Variants in GNAO1 observed in about 807,000 individuals in gnomAD.
GNAO1 encodes guanine nucleotide-binding protein G(o) subunit alpha.
For synonymous variants in GNAO1, 164 were observed against 180.7 expected, an observed-to-expected ratio of 0.91 and a Z score of 0.74; for missense variants, 166 against 478.7, an observed-to-expected ratio of 0.35 and a Z score of 6.10.
intron 2 of GNAO1, among the ~76,000 whole-genome samples, chr16:56,212,402 G>T (rs10521335): frequency 0.14 from 21,307 of 152,144 alleles, 2,000 homozygotes; most frequent in African/African-American, 0.26. Flanking sequence ...AGTGAACTCT[G>T]CTTCGATAAG....
chr16:56,319,477 C>G (rs2037550136), intron 3 of GNAO1, among the ~76,000 whole-genome samples: 1 of 152,246 alleles, frequency 6.6e-6, no homozygotes, highest in East Asian at 1.9e-4. Flanking sequence ...GAGCCTACGC[C>G]CCTCCTTGGA....
intron 6 of GNAO1, among the ~76,000 whole-genome samples, chr16:56,338,606 G>A (rs1441494073): frequency 6.6e-6 from 1 of 152,384 alleles, no homozygotes; most frequent in South Asian, 2.1e-4. Context: ...CAGGAAGCCA[G>A]GAGGGCCCTT....
At chr16:56,213,064 C>CGGAG (rs2036405666) in intron 2 of GNAO1, among the ~76,000 whole-genome samples, 2 of 152,208 alleles carry the variant, frequency 1.3e-5, no homozygotes, top group African/African-American at 4.8e-5. Context: ...TGGCAGAACT[C>CGGAG]GGAGTCTCAC....
At chr16:56,335,955 G>A (rs1388150259) in intron 5 of GNAO1, among the ~76,000 whole-genome samples, 1 of 152,176 alleles carries the variant, frequency 6.6e-6, no homozygotes, top group Admixed American at 6.5e-5. Flanking sequence ...TGTGTCCGGT[G>A]GGACCAGAGA....
intron 3 of GNAO1, among the ~76,000 whole-genome samples, chr16:56,324,302 A>G (rs1183650736): frequency 6.6e-6 from 1 of 152,138 alleles, no homozygotes; most frequent in East Asian, 1.9e-4. Context: ...GGGCCCCCAC[A>G]TTAGCGTGTG....
chr16:56,347,397 G>A (rs1022651235), intron 6 of GNAO1: 51 of 985,490 alleles, frequency 5.2e-5, no homozygotes, highest in Admixed American at 3.7e-4. Context: ...GAACAGGGCC[G>A]GCGTGTGAGC....
chr16:56,234,297 G>C (rs987096176), intron 2 of GNAO1, among the ~76,000 whole-genome samples: 1 of 152,258 alleles, frequency 6.6e-6, no homozygotes, highest in Non-Finnish European at 1.5e-5. Flanking sequence ...GCAAACACTT[G>C]TGCAGCCAGC....
At chr16:56,316,808 G>C (rs573883642) in intron 3 of GNAO1, among the ~76,000 whole-genome samples, 27 of 152,340 alleles carry the variant, frequency 1.8e-4, no homozygotes, top group Non-Finnish European at 3.2e-4. Context: ...GCTTCACACA[G>C]AGACGTCCTC....
rs918259705 is a variant in GNAO1, at chr16:56,326,657, G to A, written c.304-1974G>A. ...GCTTGTCTCAGAATTGCCTCCCTGGGAGGGCAAGGAAGCCGGGTTATTTGC... is the reference window on the plus strand; with the variant it reads ...GCTTGTCTCAGAATTGCCTCCCTGGAAGGGCAAGGAAGCCGGGTTATTTGC... On this transcript the variant is annotated intron_variant, in intron 3 of 8. Transcript: ENST00000262493. The surrounding 1 kb of genome is among the most constrained non-coding windows in gnomAD (Gnocchi z 4.8). 6.6e-6 allele frequency among the ~76,000 whole-genome samples: 1 copy of A among 152,216 alleles called. No homozygotes were observed. The highest frequency in any genetic ancestry group is 1.5e-5 in the Non-Finnish European group (1 of 68,034).
At chr16:56,267,722 C>G (rs1321229709) in intron 2 of GNAO1, among the ~76,000 whole-genome samples, 1 of 152,210 alleles carries the variant, frequency 6.6e-6, no homozygotes, top group Non-Finnish European at 1.5e-5. Context: ...TTACTTCTTT[C>G]ATATTGTTCT....
intron 3 of GNAO1, among the ~76,000 whole-genome samples, chr16:56,313,956 A>G (rs2037484093): frequency 6.8e-6 from 1 of 147,460 alleles, no homozygotes; most frequent in South Asian, 2.1e-4. Flanking sequence ...GTGCTGGTCA[A>G]TGACCCTTTC....
chr16:56,268,935 C>T (rs964752072), intron 2 of GNAO1, among the ~76,000 whole-genome samples: 1 of 152,162 alleles, frequency 6.6e-6, no homozygotes, highest in Non-Finnish European at 1.5e-5. Context: ...CATATGAGGC[C>T]AGGCAGGTCT....
At chr16:56,261,833 G>T (rs1326420651) in intron 2 of GNAO1, among the ~76,000 whole-genome samples, 13 of 152,156 alleles carry the variant, frequency 8.5e-5, no homozygotes, top group Non-Finnish European at 1.3e-4. Context: ...CTGTGTGACC[G>T]TCCGATGCCC....
At chr16:56,283,283 A>G (rs1383832171) in intron 3 of GNAO1, among the ~76,000 whole-genome samples, 1 of 152,162 alleles carries the variant, frequency 6.6e-6, no homozygotes, top group Non-Finnish European at 1.5e-5. Context: ...CGACCCTAAC[A>G]GGGGGCTCCC....
chr16:56,219,564 C>T (rs1205428922), intron 2 of GNAO1, among the ~76,000 whole-genome samples: 1 of 152,108 alleles, frequency 6.6e-6, no homozygotes, highest in African/African-American at 2.4e-5. Context: ...GAAATGTATC[C>T]TTCACCTACC....
intron 2 of GNAO1, among the ~76,000 whole-genome samples, chr16:56,228,957 A>C (rs914193118): frequency 1.3e-5 from 2 of 152,236 alleles, no homozygotes; most frequent in Non-Finnish European, 2.9e-5. Flanking sequence ...TGTATGCTCC[A>C]TGAGAGCAAG....
rs530131195 is a variant in GNAO1 at position 56,251,945 on chromosome 16, C to T, written c.162-23986C>T. 2.0e-5 allele frequency among the ~76,000 whole-genome samples: 3 copies of T among 152,250 alleles called. No homozygotes were observed. In the South Asian group the frequency reaches 6.2e-4, roughly 32 times the overall value. On this transcript the variant is annotated intron_variant, in intron 2 of 8. Coordinates refer to ENST00000262493, the MANE Select transcript of GNAO1 (RefSeq NM_020988.3). ...GACCTTTTCTGGGGCCCAGACAGAA[C>T]CAGAGGCCTCCAGCCAGAGGCACCA... is the stretch of plus-strand genomic sequence containing the variant.
intron 3 of GNAO1, among the ~76,000 whole-genome samples, chr16:56,305,465 A>T (rs2037384595): frequency 6.6e-6 from 1 of 152,184 alleles, no homozygotes; most frequent in African/African-American, 2.4e-5. Context: ...CTGGAAAAAT[A>T]AGAAGGAGAC....
intron 2 of GNAO1, among the ~76,000 whole-genome samples, chr16:56,259,655 A>G (rs2036885131): frequency 6.6e-6 from 1 of 152,228 alleles, no homozygotes; most frequent in South Asian, 2.1e-4. Context: ...GGCACTGGCC[A>G]GGGCTGAGCA....
Sources: gnomAD v4.1 joint callset for allele counts (sites outside exome capture counted in the v4.1 genomes callset) on GRCh38, gnomAD v4.1.1 for gene constraint, Gnocchi (gnomAD v3.1) non-coding constraint, MANE v1.5 for transcripts, NCBI Gene and HGNC (gene_info 2026-07-23, HGNC 2026-07-21) for gene names.